Variants in HVCN1 observed in about 807,000 individuals in gnomAD.
HVCN1 encodes hydrogen voltage gated channel 1.
In HVCN1, 14 loss-of-function variants were observed where a neutral mutation model predicts 29.2. That is an observed-to-expected ratio of 0.48 (90% confidence interval 0.32 to 0.75). HVCN1 has a LOEUF of 0.75. Ranked by LOEUF, HVCN1 falls within the 30% of genes least tolerant of loss-of-function variation. The probability of loss-of-function intolerance (pLI) is 0.04; values close to 1 mark genes in which losing one functional copy is unlikely to be tolerated. For synonymous variants in HVCN1, 131 were observed against 133.2 expected (o/e 0.98, Z 0.11); for missense variants, 263 against 341.8 (o/e 0.77, Z 1.82).
In HVCN1 at chr12:110,667,934, AG is replaced by A; in HGVS notation, c.22-6487del. Among the ~76,000 whole-genome samples, 5 of 152,332 alleles carry A rather than the reference AG, an allele frequency of 3.3e-5. 1 individual carries two copies. In the Middle Eastern group the frequency reaches 0.014, roughly 415 times the overall value. ...AAATATCTAGGGCACTCAGCAGAGC[AG>A]AAAACATTTCTGGTTTTCAGTCAAA... On this transcript the variant is annotated intron_variant, in intron 3 of 7. Transcript: ENST00000242607.
intron 2 of HVCN1, among the ~76,000 whole-genome samples, chr12:110,687,592 G>T (rs551605120): frequency 6.6e-6 from 1 of 152,248 alleles, no homozygotes; most frequent in South Asian, 2.1e-4. Flanking sequence ...GGATTTGGAT[G>T]GAAGTGAGGG....
chr12:110,653,772 G>A (rs1265237956), intron 5 of HVCN1, among the ~76,000 whole-genome samples: 1 of 152,084 alleles, frequency 6.6e-6, no homozygotes, highest in Admixed American at 6.6e-5. Flanking sequence ...AACTCAGGAG[G>A]CGGACGTTGC....
rs1281981044 is a variant in HVCN1 at position 110,683,210 on chromosome 12, C to T, written c.21+15G>A. On this transcript the variant is annotated intron_variant, in intron 3 of 7. Coordinates refer to ENST00000242607, the MANE Select transcript of HVCN1 (RefSeq NM_032369.4). Reference sequence around the variant, plus strand: ...GGGATATCCTCTAATGCTGCAAGACCACAGAATCCATTACCTTTTCGTCCC... The same window carrying T: ...GGGATATCCTCTAATGCTGCAAGACTACAGAATCCATTACCTTTTCGTCCC... The T allele has an allele frequency of 5.0e-6, 8 of 1,613,528 alleles. No homozygotes were observed. The highest frequency in any genetic ancestry group is 6.8e-6 in the Non-Finnish European group (8 of 1,179,798).
At position 110,694,949 on chromosome 12, in the gene HVCN1, G is replaced by C. The variant is rs1030851304; in HGVS notation, c.-103-6241C>G. The stretch of plus-strand genomic sequence containing the variant: ...CCTGCCTCAATGGTTTCCCTTGCCC[G>C]CTGGGTGATCTGTCATCAATTCAGC... On this transcript the variant is annotated intron_variant, in intron 2 of 4. Coordinates refer to the HVCN1 transcript ENST00000546713. This position sits in a 1 kb window ranked among gnomAD's most constrained non-coding sequence, Gnocchi z 4.6. 1.3e-5 allele frequency among the ~76,000 whole-genome samples: 2 copies of C among 152,198 alleles called. No homozygotes were observed. Among genetic ancestry groups the C allele is most frequent in the African/African-American group, 4.8e-5 (2 of 41,454 alleles).
chr12:110,685,357 A>T (rs1191871700), intron 2 of HVCN1, among the ~76,000 whole-genome samples: 1 of 152,224 alleles, frequency 6.6e-6, no homozygotes, highest in Non-Finnish European at 1.5e-5. Flanking sequence ...TGCAGCAGCA[A>T]CACAGCCCTG....
chr12:110,682,888 T>TG (rs1644066683), intron 3 of HVCN1: 2 of 290,752 alleles, frequency 6.9e-6, no homozygotes, highest in Non-Finnish European at 1.3e-5. Flanking sequence ...GCTTGAACCC[T>TG]GGGGGGCAGA....
intron 7 of HVCN1, 68 bp from the exon 8 acceptor site, chr12:110,649,543 T>A: frequency 8.6e-7 from 1 of 1,156,650 alleles, no homozygotes; most frequent in Admixed American, 1.9e-5. Flanking sequence ...AATCAATCAT[T>A]CAGTGAGCCC....
upstream of HVCN1, among the ~76,000 whole-genome samples, chr12:110,690,566 T>A (rs2069382178): frequency 6.6e-6 from 1 of 152,176 alleles, no homozygotes; most frequent in Non-Finnish European, 1.5e-5. Flanking sequence ...AACCTCCGCC[T>A]CCTGGGTTCA....
At position 110,648,990 on chromosome 12, in the gene HVCN1, G is replaced by A; in HGVS notation, c.*420C>T. ...TATTTAGAACAGCTTGAAAATAAGA[G>A]ACTTTTCTAGAATGGGGTGGCAGCT... On this transcript the variant is annotated 3_prime_UTR_variant, in exon 8 of 8. Coordinates refer to ENST00000242607, the MANE Select transcript of HVCN1 (RefSeq NM_032369.4). 1 of 452,042 alleles carries A rather than the reference G, an allele frequency of 2.2e-6. No individual in the cohort carries two copies. The highest frequency in any genetic ancestry group is 2.6e-5 in the Admixed American group (1 of 38,056). The allele number at this position is 452,042 out of a possible 1,614,324, so 28.0% of individuals were successfully genotyped here. A position where few individuals can be genotyped will look rare whatever the true frequency, so the allele number is the denominator to read the frequency against.
At chr12:110,700,322 A>G (rs933549723) in intron 2 of HVCN1, among the ~76,000 whole-genome samples, 3 of 152,208 alleles carry the variant, frequency 2.0e-5, no homozygotes, top group African/African-American at 7.2e-5. Context: ...GTAGGACTCC[A>G]ATGGGACTTA....
intron 3 of HVCN1, among the ~76,000 whole-genome samples, chr12:110,678,439 CTTTTTTTTT>C (rs538999674): frequency 7.0e-4 from 46 of 65,830 alleles, no homozygotes; most frequent in Middle Eastern, 0.011. Flanking sequence ...CATTCTATTT[CTTTTTTTTT>C]TTTTTTTTTT....
At chr12:110,703,746 A>G (rs1386878841) in intron 1 of HVCN1, among the ~76,000 whole-genome samples, 1 of 151,562 alleles carries the variant, frequency 6.6e-6, no homozygotes, top group Non-Finnish European at 1.5e-5. Context: ...GTGCAATGGC[A>G]TGATCTCGGC....
intron 3 of HVCN1, among the ~76,000 whole-genome samples, chr12:110,675,769 G>A (rs1044062691): frequency 6.6e-6 from 1 of 151,466 alleles, no homozygotes; most frequent in Non-Finnish European, 1.5e-5. Flanking sequence ...AGCTGGGGGT[G>A]GTGGTGGTGC....
chr12:110,650,379 G>T, intron 6 of HVCN1, 99 bp from the exon 7 acceptor site: 1 of 714,732 alleles, frequency 1.4e-6, no homozygotes, highest in Non-Finnish European at 2.5e-6. Flanking sequence ...TGGAGGAGTG[G>T]TGACAGACAC....
Position 110,661,470 on chromosome 12 carries a change from C to G in HVCN1, c.22-22G>C, listed in dbSNP as rs370890423. On this transcript the variant is annotated intron_variant, in intron 3 of 7. Coordinates refer to ENST00000242607, the MANE Select transcript of HVCN1 (RefSeq NM_032369.4). The surrounding 1 kb of genome is among the most constrained non-coding windows in gnomAD (Gnocchi z 6.2). ...CTGCCTAGAAGGCGGGGACAGAGAG[C>G]AAGAGCTTCAGGCAGTTGGCCACTC... The G allele has an allele frequency of 1.2e-6, 2 of 1,608,734 alleles. No individual in the cohort carries two copies. The highest frequency in any genetic ancestry group is 3.3e-5 in the Admixed American group (2 of 59,826).
intron 3 of HVCN1, among the ~76,000 whole-genome samples, chr12:110,663,065 A>G (rs966776136): frequency 6.6e-6 from 1 of 152,190 alleles, no homozygotes; most frequent in Non-Finnish European, 1.5e-5. Context: ...CAGGTTGGCA[A>G]GTGTCTTAAA....
upstream of HVCN1, among the ~76,000 whole-genome samples, chr12:110,691,991 TGTC>T (rs2069414307): frequency 6.6e-6 from 1 of 152,210 alleles, no homozygotes. Context: ...TTCTCAGCAT[TGTC>T]GTGTTTACTG....
intron 3 of HVCN1, among the ~76,000 whole-genome samples, chr12:110,678,513 T>G (rs2068832920): frequency 7.1e-6 from 1 of 139,872 alleles, no homozygotes; most frequent in African/African-American, 2.7e-5. Context: ...GGCAGTGGCA[T>G]GATTAGGACT....
At chr12:110,670,630 A>T (rs2068544148) in intron 3 of HVCN1, among the ~76,000 whole-genome samples, 1 of 152,172 alleles carries the variant, frequency 6.6e-6, no homozygotes, top group Admixed American at 6.6e-5. Flanking sequence ...GAAAAGCAGG[A>T]TCTGCCCCTG....
Sources: allele counts gnomAD v4.1 joint callset (sites outside exome capture counted in the v4.1 genomes callset), GRCh38; gene constraint gnomAD v4.1.1; non-coding constraint Gnocchi (gnomAD v3.1); transcripts MANE v1.5; gene names NCBI Gene and HGNC (gene_info 2026-07-23, HGNC 2026-07-21).